Variants in DOCK9 observed in about 807,000 individuals in gnomAD.
The protein encoded by DOCK9 is dedicator of cytokinesis protein 9.
A neutral mutation model predicts 263.3 loss-of-function variants in DOCK9; 89 were observed. That is an observed-to-expected ratio of 0.34 (90% CI 0.28 to 0.40). The LOEUF (loss-of-function observed/expected upper bound fraction) is 0.40, where lower values mean the gene tolerates loss of function less well. Ranked by LOEUF, DOCK9 falls within the 10% of genes least tolerant of loss-of-function variation. DOCK9 has a pLI of 1.00. For missense variants in DOCK9, 2,140 were observed against 2,603.4 expected (o/e 0.82, Z 3.87); for synonymous variants, 976 against 973.1 (o/e 1.00, Z -0.06).
At chr13:99,060,201 G>A (rs2041124260) in intron 1 of DOCK9, among the ~76,000 whole-genome samples, 1 of 150,652 alleles carries the variant, frequency 6.6e-6, no homozygotes, top group Non-Finnish European at 1.5e-5. Context: ...AGCCTCCTGA[G>A]TAGCTGGGAC....
chr13:98,945,427 T>A (rs1305869448), intron 2 of DOCK9, among the ~76,000 whole-genome samples: 2 of 152,180 alleles, frequency 1.3e-5, no homozygotes, highest in Non-Finnish European at 2.9e-5. Context: ...CTTCCCTGAG[T>A]GTGCCCTGGT....
chr13:98,835,327 A>T (rs2092949897), intron 39 of DOCK9, among the ~76,000 whole-genome samples: 1 of 152,194 alleles, frequency 6.6e-6, no homozygotes, highest in Admixed American at 6.5e-5. Flanking sequence ...AAATATTTGC[A>T]AAGAAAGATC....
At chr13:98,942,596 C>T (rs2056126008) in intron 2 of DOCK9, among the ~76,000 whole-genome samples, 1 of 152,226 alleles carries the variant, frequency 6.6e-6, no homozygotes, top group South Asian at 2.1e-4. Flanking sequence ...TCTGTGTGAA[C>T]ATCTAGCACA....
At chr13:99,048,191 C>CTGTTTTGTTT (rs368509325) in intron 1 of DOCK9, among the ~76,000 whole-genome samples, 26 of 152,180 alleles carry the variant, frequency 1.7e-4, no homozygotes, top group African/African-American at 6.3e-4. Context: ...ACAGTTTTAT[C>CTGTTTTGTTT]TGTTTTGTTT....
At chr13:99,028,568 G>A (rs938686627) in intron 1 of DOCK9, among the ~76,000 whole-genome samples, 1 of 152,118 alleles carries the variant, frequency 6.6e-6, no homozygotes, top group African/African-American at 2.4e-5. Flanking sequence ...GGGAGGGAGG[G>A]AACGAGAACA....
At chr13:98,870,538 C>T (rs1294345157) in intron 27 of DOCK9, among the ~76,000 whole-genome samples, 2 of 152,124 alleles carry the variant, frequency 1.3e-5, no homozygotes, top group Non-Finnish European at 2.9e-5. Context: ...ATGCTTGTGG[C>T]CTTCACAATG....
intron 1 of DOCK9, among the ~76,000 whole-genome samples, chr13:99,071,608 A>AG (rs1449530425): frequency 6.6e-6 from 1 of 152,100 alleles, no homozygotes; most frequent in African/African-American, 2.4e-5. Flanking sequence ...TTGCTGTCTC[A>AG]GGGGTAGCAG....
chr13:98,974,255 G>A (rs1479595994), intron 1 of DOCK9, among the ~76,000 whole-genome samples: 1 of 152,066 alleles, frequency 6.6e-6, no homozygotes, highest in Non-Finnish European at 1.5e-5. Flanking sequence ...CTGTTCCCCT[G>A]GTAGTGATTT....
chr13:98,961,985 A>G lies in DOCK9; in HGVS notation c.127-6434T>C, dbSNP rs2058688441. Among the ~76,000 whole-genome samples the G allele has an allele frequency of 2.0e-5, 3 of 152,264 alleles. No individual in the cohort carries two copies. The South Asian group carries it at 6.2e-4, about 32-fold the overall frequency. On this transcript the variant is annotated intron_variant, in intron 1 of 52. Coordinates refer to ENST00000682017, the MANE Select transcript of DOCK9 (RefSeq NM_001366683.2). Reference sequence around the variant, plus strand: ...TGCCCCCAAACTGCATTGCTCATGTACAAAAGAAACCTCACAGAAGCTTTT... The same window carrying G: ...TGCCCCCAAACTGCATTGCTCATGTGCAAAAGAAACCTCACAGAAGCTTTT...
intron 45 of DOCK9, among the ~76,000 whole-genome samples, chr13:98,813,580 T>C (rs1021514209): frequency 4.6e-5 from 7 of 152,154 alleles, no homozygotes; most frequent in African/African-American, 1.7e-4. Context: ...GTGGTCATGA[T>C]GCATTTCTCT....
In DOCK9 at chr13:98,853,472, A is replaced by G; in HGVS notation, c.3882T>C (p.Leu1294=). The G allele has an allele frequency of 6.2e-7, 1 of 1,613,866 alleles. No individual in the cohort carries two copies. Among genetic ancestry groups the G allele is most frequent in the South Asian group, 1.1e-5 (1 of 91,050 alleles). Residue 1294 remains leucine, a synonymous_variant, in exon 35 of 53, where the codon CTT becomes CTC. Coordinates refer to ENST00000682017, the MANE Select transcript of DOCK9 (RefSeq NM_001366683.2). ...LGNSVVRCDK[L]DQSEIKSLLM... is the part of the protein sequence containing the mutation. ...GTAGGCTCTTAATCTCAGACTGGTC[A>G]AGTTTATCACAGCGAACCACGGAAT... is the stretch of plus-strand genomic sequence containing the variant.
chr13:98,882,011 C>A lies in DOCK9; in HGVS notation c.2560-4G>T. On this transcript the variant is annotated splice_polypyrimidine_tract_variant and splice_region_variant and intron_variant, in intron 23 of 52. Transcript: ENST00000682017. The stretch of plus-strand genomic sequence containing the variant: ...GGCCTTCCATCGCATGCAGACTCTA[C>A]GGACACAGAATGGCACAGTTCATGT... 1.3e-6 allele frequency: 2 copies of A among 1,576,280 alleles called. No individual in the cohort carries two copies. The highest frequency in any genetic ancestry group is 1.7e-6 in the Non-Finnish European group (2 of 1,159,432).
chr13:98,799,645 G>A (rs757869054), intron 50 of DOCK9, among the ~76,000 whole-genome samples: 63 of 152,230 alleles, frequency 4.1e-4, no homozygotes, highest in Non-Finnish European at 7.8e-4. Context: ...CACTTGGAAG[G>A]TCATATGGAA....
intron 1 of DOCK9, among the ~76,000 whole-genome samples, chr13:99,071,992 G>A (rs1408984111): frequency 6.6e-6 from 1 of 152,094 alleles, no homozygotes; most frequent in African/African-American, 2.4e-5. Context: ...GTCTATTAGC[G>A]CTTGAATTTC....
intron 1 of DOCK9, among the ~76,000 whole-genome samples, chr13:99,055,496 T>C (rs2040876476): frequency 6.6e-6 from 1 of 151,994 alleles, no homozygotes; most frequent in Non-Finnish European, 1.5e-5. Flanking sequence ...GGTGCTTAAC[T>C]GTGGAGGGGA....
chr13:98,798,453 A>G (rs1354416401), intron 50 of DOCK9, among the ~76,000 whole-genome samples: 2 of 152,174 alleles, frequency 1.3e-5, no homozygotes, highest in African/African-American at 4.8e-5. Flanking sequence ...GCAATGGGTG[A>G]ACAGCCCAAG....
chr13:98,963,684 C>G, intron 1 of DOCK9, among the ~76,000 whole-genome samples: 1 of 152,160 alleles, frequency 6.6e-6, no homozygotes, highest in Non-Finnish European at 1.5e-5. Flanking sequence ...TTAGGACTTC[C>G]TTGATTTATC....
chr13:98,955,633 A>G, intron 1 of DOCK9, 82 bp from the exon 2 acceptor site: 1 of 892,926 alleles, frequency 1.1e-6, no homozygotes, highest in Non-Finnish European at 1.7e-6. Flanking sequence ...GTTCTACTCT[A>G]TGTTTTGTAT....
chr13:99,083,149 G>A (rs540456740), intron 1 of DOCK9, among the ~76,000 whole-genome samples: 7 of 152,176 alleles, frequency 4.6e-5, no homozygotes, highest in Middle Eastern at 3.4e-3. Context: ...CAGCTACTCC[G>A]GAGGCTGAGG....
Sources: gnomAD v4.1 joint callset for allele counts (sites outside exome capture counted in the v4.1 genomes callset) on GRCh38, gnomAD v4.1.1 for gene constraint, MANE v1.5 for transcripts, NCBI Gene and HGNC (gene_info 2026-07-23, HGNC 2026-07-21) for gene names.